The following BICRA variants were observed in gnomAD, a reference collection of about 807,000 sequenced individuals.
BICRA encodes BRD4 interacting chromatin remodeling complex associated protein.
Under a neutral mutation model 96.9 loss-of-function variants are expected in BICRA, and 31 were observed. The ratio of observed to expected loss-of-function variants is 0.32; its 90% CI spans 0.24 to 0.43. BICRA has a LOEUF of 0.43. Among genes scored for constraint, BICRA ranks in the 20% least tolerant of loss-of-function variants. The pLI, the probability that BICRA is intolerant of heterozygous loss-of-function variation, is 1.00. For missense variants in BICRA, 2,283 were observed against 2,190.3 expected, an observed-to-expected ratio of 1.04 and a Z score of -0.84; for synonymous variants, 1,350 against 1,071.8, an observed-to-expected ratio of 1.26 and a Z score of -5.07.
chr19:47,612,436 A>G (rs1001289361), intron 1 of BICRA, among the ~76,000 whole-genome samples: 1 of 151,962 alleles, frequency 6.6e-6, no homozygotes, highest in African/African-American at 2.4e-5. Flanking sequence ...TAAATAAAAT[A>G]AAAAATGTAA....
intron 11 of BICRA, 51 bp downstream of exon 11, chr19:47,696,563 T>C (rs962695403): frequency 2.6e-5 from 39 of 1,504,014 alleles, no homozygotes; most frequent in Admixed American, 6.1e-5. Context: ...TCCAGAGACC[T>C]GGGGGAGCAT....
At chr19:47,608,489 G>A (rs1971842056), upstream of BICRA, 1 of 152,214 alleles carries the variant, frequency 6.6e-6, no homozygotes, top group Non-Finnish European at 1.5e-5. Flanking sequence ...CCCGCCGGAC[G>A]ACCGTCCTCC....
At chr19:47,697,449 A>C (rs949156705) in intron 11 of BICRA, among the ~76,000 whole-genome samples, 1 of 151,382 alleles carries the variant, frequency 6.6e-6, no homozygotes, top group Non-Finnish European at 1.5e-5. Context: ...AGGTCTTACT[A>C]TGTTGCCCAG....
chr19:47,701,294 A>C lies in BICRA; in HGVS notation c.3596-34A>C, dbSNP rs1421918842. 1.3e-6 allele frequency: 2 copies of C among 1,545,076 alleles called. No individual in the cohort carries two copies. The highest frequency in any genetic ancestry group is 3.4e-5 in the Admixed American group (2 of 59,130). The stretch of plus-strand genomic sequence containing the variant: ...AGCTCGGTCGGGGGGTCCTCATCCT[A>C]ACCCCGCGGGTTTTCTTTGCCCCGA... On this transcript the variant is annotated intron_variant, in intron 14 of 14. Transcript: ENST00000594866. The surrounding 1 kb of genome is among the most constrained non-coding windows in gnomAD (Gnocchi z 5.4).
intron 1 of BICRA, among the ~76,000 whole-genome samples, chr19:47,649,991 G>A (rs531589844): frequency 6.6e-5 from 10 of 151,762 alleles, no homozygotes; most frequent in African/African-American, 1.9e-4. Flanking sequence ...AGTCTCTGTC[G>A]CCCGAACTGG....
At chr19:47,669,848 G>A (rs1277074061) in intron 1 of BICRA, among the ~76,000 whole-genome samples, 4 of 151,734 alleles carry the variant, frequency 2.6e-5, no homozygotes, top group East Asian at 1.9e-4. Context: ...AGTAGAGACC[G>A]GGTTTCACCG....
chr19:47,627,119 C>T (rs77780394), intron 1 of BICRA, among the ~76,000 whole-genome samples: 4,439 of 152,264 alleles, frequency 0.029, 118 homozygotes, highest in South Asian at 0.076. Flanking sequence ...AAGAGCCAGC[C>T]TGGGTTGCTG....
At chr19:47,689,280 T>G (rs566828948) in intron 7 of BICRA, among the ~76,000 whole-genome samples, 1 of 152,292 alleles carries the variant, frequency 6.6e-6, no homozygotes, top group African/African-American at 2.4e-5. Context: ...TTTTTTTCTT[T>G]TTTTCCAGAG....
chr19:47,608,892 GGTT>G (rs1296911394), upstream of BICRA, among the ~76,000 whole-genome samples: 3 of 40,762 alleles, frequency 7.4e-5, no homozygotes, highest in Non-Finnish European at 1.6e-4. Context: ...AAACCTGAGA[GGTT>G]TTTTTTTTTT....
chr19:47,646,212 G>C (rs556416380), intron 1 of BICRA, among the ~76,000 whole-genome samples: 39 of 152,324 alleles, frequency 2.6e-4, no homozygotes, highest in African/African-American at 9.1e-4. Flanking sequence ...CCAGCATGCG[G>C]AATGCTCTGC....
chr19:47,621,495 T>G (rs1330784361), intron 1 of BICRA, among the ~76,000 whole-genome samples: 1 of 150,692 alleles, frequency 6.6e-6, no homozygotes, highest in African/African-American at 2.4e-5. Context: ...AAATGCGAGA[T>G]GGAATTTTGC....
At chr19:47,650,216 T>G (rs999149520) in intron 1 of BICRA, among the ~76,000 whole-genome samples, 42 of 152,190 alleles carry the variant, frequency 2.8e-4, no homozygotes, top group African/African-American at 9.9e-4. Context: ...ACTGCAACCC[T>G]CCACCACCCA....
chr19:47,700,942 T>TTTG (rs1568580953), intron 14 of BICRA: 8 of 242,880 alleles, frequency 3.3e-5, no homozygotes, highest in African/African-American at 6.9e-5. Flanking sequence ...TTTATTGTTT[T>TTTG]TTTGTTTGTT....
In BICRA at chr19:47,675,730, C is replaced by CA; in HGVS notation, c.85-120dup. The CA allele has an allele frequency of 1.3e-6, 1 of 776,912 alleles. No individual in the cohort carries two copies. Among genetic ancestry groups the CA allele is most frequent in the Non-Finnish European group, 2.2e-6 (1 of 447,080 alleles). 48.1% of individuals were successfully genotyped at this position (776,912 alleles called of 1,614,324 possible). ...CGGAGGCGAGAGTTTCCCATACCCC[C>CA]AGCCCTCTCCCATCCCAACCCTTGT... On this transcript the variant is annotated intron_variant, in intron 4 of 14. Transcript: ENST00000594866. This position sits in a 1 kb window ranked among gnomAD's most constrained non-coding sequence, Gnocchi z 4.7.
intron 1 of BICRA, among the ~76,000 whole-genome samples, chr19:47,645,823 G>T (rs147356690): frequency 6.6e-6 from 1 of 152,196 alleles, no homozygotes; most frequent in African/African-American, 2.4e-5. Flanking sequence ...GATTCCAGGT[G>T]CAGTGGCTCA....
In BICRA at chr19:47,625,338, C is replaced by G. The variant is rs568844818; in HGVS notation, c.-108+16170C>G. Among the ~76,000 whole-genome samples, 161 of 151,148 alleles carry G rather than the reference C, an allele frequency of 1.1e-3. No individual in the cohort carries two copies. The Middle Eastern group carries it at 0.014, about 13-fold the overall frequency. ...TTAAGAGACAGGGTCTCACTGGTGC[C>G]CAGGCTGGATTGCGGTGGCGTGATT... On this transcript the variant is annotated intron_variant, in intron 1 of 14. Coordinates refer to ENST00000594866, the MANE Select transcript of BICRA (RefSeq NM_001394372.1).
intron 6 of BICRA, among the ~76,000 whole-genome samples, chr19:47,681,709 A>G (rs917294233): frequency 1.3e-5 from 2 of 152,014 alleles, no homozygotes; most frequent in Admixed American, 1.3e-4. Flanking sequence ...TCTCAGAGAG[A>G]AAGTGGACGA....
At chr19:47,637,914 C>T (rs1244661197) in intron 1 of BICRA, among the ~76,000 whole-genome samples, 4 of 152,170 alleles carry the variant, frequency 2.6e-5, no homozygotes, top group South Asian at 2.1e-4. Context: ...ATGGATGGAC[C>T]GGATTTTGTT....
Position 47,701,455 on chromosome 19 carries a change from C to A in BICRA, c.3723C>A (p.His1241Gln). The A allele has an allele frequency of 6.4e-7, 1 of 1,567,288 alleles. No individual in the cohort carries two copies. Among genetic ancestry groups the A allele is most frequent in the Non-Finnish European group, 8.6e-7 (1 of 1,157,254 alleles). The change falls in exon 15 of 15, where the codon CAC becomes CAA. Residue 1241 changes from histidine to glutamine, a missense_variant. By Grantham distance (24) the His-to-Gln change is conservative. Transcript: ENST00000594866. This position sits in a 1 kb window ranked among gnomAD's most constrained non-coding sequence, Gnocchi z 5.4. ...GGGCCTCCACCCAGCCCCCTCCACA[C>A]CTGCCCACCAAGCTTGTGATCCGGC... is the stretch of plus-strand genomic sequence containing the variant. ...APGASTQPPP[H>Q]LPTKLVIRHG... is the part of the protein sequence containing the mutation.
Sources: allele counts gnomAD v4.1 joint callset (sites outside exome capture counted in the v4.1 genomes callset), GRCh38; gene constraint gnomAD v4.1.1; non-coding constraint Gnocchi (gnomAD v3.1); transcripts MANE v1.5; gene names NCBI Gene and HGNC (gene_info 2026-07-23, HGNC 2026-07-21).